Variants in PRDM5 observed in about 807,000 individuals in gnomAD.
PRDM5 encodes the protein PR/SET domain 5.
In PRDM5, 56 loss-of-function variants were observed where a neutral mutation model predicts 81.2. That is an observed-to-expected ratio of 0.69 (90% CI 0.56 to 0.86). The LOEUF is 0.86. PRDM5 is among the 40% of genes least tolerant of loss of function. PRDM5 has a pLI of 0.00. For missense variants in PRDM5, 697 were observed against 770.1 expected (o/e 0.91, Z 1.12); for synonymous variants, 267 against 256.4 (o/e 1.04, Z -0.39).
chr4:120,701,961 C>T (rs1214048218), intron 15 of PRDM5, among the ~76,000 whole-genome samples: 1 of 152,184 alleles, frequency 6.6e-6, no homozygotes, highest in East Asian at 1.9e-4. Flanking sequence ...GCTTCATCAT[C>T]CTCAAATAGA....
At chr4:120,856,553 C>T (rs1054439322) in intron 2 of PRDM5, among the ~76,000 whole-genome samples, 1 of 152,022 alleles carries the variant, frequency 6.6e-6, no homozygotes, top group Admixed American at 6.6e-5. Context: ...CCTGTGCACA[C>T]GACTTTTATC....
At chr4:120,838,895 T>G in intron 3 of PRDM5, 1 of 318,036 alleles carries the variant, frequency 3.1e-6, no homozygotes, top group Non-Finnish European at 6.0e-6. Flanking sequence ...CGGCAAGGGG[T>G]GTGAGAGTGA....
chr4:120,819,712 T>C (rs1390135863), intron 4 of PRDM5, among the ~76,000 whole-genome samples: 2 of 151,980 alleles, frequency 1.3e-5, no homozygotes, highest in Non-Finnish European at 2.9e-5. Flanking sequence ...ATTAAAATAA[T>C]GGATAAAATA....
intron 14 of PRDM5, among the ~76,000 whole-genome samples, chr4:120,722,903 A>T (rs2149062545): frequency 6.6e-6 from 1 of 152,250 alleles, no homozygotes; most frequent in Middle Eastern, 3.4e-3. Flanking sequence ...GAGACATGAG[A>T]AAAGCTGGGG....
chr4:120,813,695 T>A (rs1219602626), intron 7 of PRDM5, among the ~76,000 whole-genome samples: 1 of 152,170 alleles, frequency 6.6e-6, no homozygotes, highest in Non-Finnish European at 1.5e-5. Context: ...TATTTGGTCA[T>A]CAATTTCCTA....
intron 2 of PRDM5, among the ~76,000 whole-genome samples, chr4:120,903,960 C>T (rs1055120487): frequency 8.6e-5 from 13 of 152,046 alleles, no homozygotes; most frequent in Non-Finnish European, 1.2e-4. Flanking sequence ...GAGGCCGAGG[C>T]CAGCAGATCA....
At chr4:120,861,841 A>G (rs1361491436) in intron 2 of PRDM5, among the ~76,000 whole-genome samples, 1 of 152,122 alleles carries the variant, frequency 6.6e-6, no homozygotes, top group African/African-American at 2.4e-5. Context: ...GATGCTTTGT[A>G]TCTGAAAACT....
chr4:120,762,425 T>C (rs1017234843), intron 13 of PRDM5: 2 of 152,226 alleles, frequency 1.3e-5, no homozygotes. Flanking sequence ...ATGTATTATA[T>C]GGGAATTCTT....
rs934889583 is a variant in PRDM5, at chr4:120,812,323, A to G, written c.866-874T>C. ...TATCTACAGTGGAATTGCTAGCTCT[A>G]TCTTCAGTCTTTTGAGTAACCACCA... On this transcript the variant is annotated intron_variant, in intron 7 of 15. Coordinates refer to ENST00000264808, the MANE Select transcript of PRDM5 (RefSeq NM_018699.4). Among the ~76,000 whole-genome samples the G allele has an allele frequency of 2.6e-5, 4 of 152,110 alleles. No individual in the cohort carries two copies. In the East Asian group the frequency reaches 7.7e-4, roughly 29 times the overall value.
chr4:120,849,577 C>T (rs1759035328), intron 3 of PRDM5, among the ~76,000 whole-genome samples: 1 of 152,050 alleles, frequency 6.6e-6, no homozygotes, highest in South Asian at 2.1e-4. Flanking sequence ...ATAAGTATGG[C>T]AACTAGTCAC....
intron 14 of PRDM5, among the ~76,000 whole-genome samples, chr4:120,712,150 G>A (rs1284826796): frequency 1.3e-5 from 2 of 152,042 alleles, no homozygotes; most frequent in African/African-American, 2.4e-5. Flanking sequence ...GCTGGGCATG[G>A]TGGCGGGCAC....
chr4:120,765,695 C>T (rs1746276099), intron 13 of PRDM5, among the ~76,000 whole-genome samples: 1 of 152,178 alleles, frequency 6.6e-6, no homozygotes, highest in African/African-American at 2.4e-5. Flanking sequence ...GACAGCAAAT[C>T]CTCATCTACA....
At chr4:120,836,673 A>T (rs2149382295) in intron 3 of PRDM5, among the ~76,000 whole-genome samples, 1 of 152,308 alleles carries the variant, frequency 6.6e-6, no homozygotes, top group African/African-American at 2.4e-5. Context: ...TCTAGATAAA[A>T]ATTGATTATT....
At chr4:120,741,421 G>C (rs1003991805) in intron 14 of PRDM5, among the ~76,000 whole-genome samples, 1 of 151,708 alleles carries the variant, frequency 6.6e-6, no homozygotes, top group African/African-American at 2.4e-5. Context: ...CAGGGGGGAG[G>C]AGCCAAGATG....
At chr4:120,750,955 C>A (rs574631841) in intron 14 of PRDM5, among the ~76,000 whole-genome samples, 1 of 152,210 alleles carries the variant, frequency 6.6e-6, no homozygotes, top group Admixed American at 6.5e-5. Flanking sequence ...AACAGAAATA[C>A]AGAAACTATT....
intron 10 of PRDM5, among the ~76,000 whole-genome samples, chr4:120,791,550 G>A (rs773270780): frequency 6.6e-6 from 1 of 152,140 alleles, no homozygotes; most frequent in South Asian, 2.1e-4. Context: ...AGAATACTTC[G>A]CTTGAAAACT....
intron 2 of PRDM5, among the ~76,000 whole-genome samples, chr4:120,881,129 T>C (rs1456252151): frequency 6.6e-6 from 1 of 152,200 alleles, no homozygotes; most frequent in Non-Finnish European, 1.5e-5. Flanking sequence ...ATAAAATGTT[T>C]TTCCCTTCCC....
At chr4:120,813,516 AT>A (rs1489201397) in intron 7 of PRDM5, among the ~76,000 whole-genome samples, 1 of 152,248 alleles carries the variant, frequency 6.6e-6, no homozygotes, top group African/African-American at 2.4e-5. Flanking sequence ...ATACTTTCAA[AT>A]GGCAAATATG....
intron 2 of PRDM5, among the ~76,000 whole-genome samples, chr4:120,858,031 G>T (rs1348846274): frequency 6.6e-6 from 1 of 152,182 alleles, no homozygotes; most frequent in Non-Finnish European, 1.5e-5. Context: ...TTAATGTATG[G>T]TAAAATGTAA....
Sources: allele counts gnomAD v4.1 joint callset (sites outside exome capture counted in the v4.1 genomes callset), GRCh38; gene constraint gnomAD v4.1.1; transcripts MANE v1.5; gene names NCBI Gene and HGNC (gene_info 2026-07-23, HGNC 2026-07-21).